Variants in RELN observed in about 807,000 individuals in gnomAD.
The protein encoded by RELN is reelin.
Under a neutral mutation model 427.6 loss-of-function variants are expected in RELN, and 108 were observed. The ratio of observed to expected loss-of-function variants is 0.25; its 90% CI spans 0.22 to 0.30. RELN has a LOEUF of 0.30. RELN is among the 10% of genes least tolerant of loss of function. The pLI is 1.00. For missense variants in RELN, 3,715 were observed against 4,302.8 expected (o/e 0.86, Z 3.82); for synonymous variants, 1,524 against 1,513.4 (o/e 1.01, Z -0.16).
At chr7:103,915,319 A>G (rs1200058455) in intron 2 of RELN, among the ~76,000 whole-genome samples, 1 of 152,026 alleles carries the variant, frequency 6.6e-6, no homozygotes, top group East Asian at 1.9e-4. Context: ...TCTCTGTCAT[A>G]CCCTTTCCCA....
intron 10 of RELN, among the ~76,000 whole-genome samples, chr7:103,687,887 G>T (rs938903967): frequency 1.3e-5 from 2 of 152,096 alleles, no homozygotes; most frequent in Non-Finnish European, 2.9e-5. Flanking sequence ...TTGTCATGGC[G>T]ATCTGGCTCA....
intron 2 of RELN, among the ~76,000 whole-genome samples, chr7:103,915,956 A>G (rs1419121990): frequency 6.6e-6 from 1 of 152,164 alleles, no homozygotes; most frequent in African/African-American, 2.4e-5. Flanking sequence ...CTAAGAGGAC[A>G]TTTTTCCCCT....
At chr7:103,777,019 T>G (rs886597031) in intron 3 of RELN, among the ~76,000 whole-genome samples, 2 of 152,192 alleles carry the variant, frequency 1.3e-5, no homozygotes, top group African/African-American at 4.8e-5. Context: ...GTTACTTTTT[T>G]TCTGAAATCA....
chr7:103,702,564 C>T (rs985663547), intron 8 of RELN, among the ~76,000 whole-genome samples: 10 of 152,190 alleles, frequency 6.6e-5, no homozygotes, highest in African/African-American at 9.6e-5. Context: ...ATGACAAATA[C>T]GACTTCTCTT....
At position 103,478,796 on chromosome 7, in the gene RELN, T is replaced by C. The variant is rs142991320; in HGVS notation, c.10281-402A>G. 1.8e-4 allele frequency among the ~76,000 whole-genome samples: 27 copies of C among 152,268 alleles called. No homozygotes were observed. In the East Asian group the frequency reaches 5.0e-3, roughly 28 times the overall value. On this transcript the variant is annotated intron_variant, in intron 63 of 64. Coordinates refer to ENST00000428762, the MANE Select transcript of RELN (RefSeq NM_005045.4). Reference sequence around the variant, plus strand: ...ATATTAAGGAATGGGCTTTAAAAAATACAGAAGTCTCCTATGTCAGATAAC... The same window carrying C: ...ATATTAAGGAATGGGCTTTAAAAAACACAGAAGTCTCCTATGTCAGATAAC...
Position 103,510,750 on chromosome 7 carries a change from A to G in RELN, c.8274+101T>C. 3.1e-6 allele frequency: 3 copies of G among 960,990 alleles called. 1 individual carries two copies. Among genetic ancestry groups the G allele is most frequent in the South Asian group, 2.8e-5 (2 of 71,474 alleles). 59.5% of individuals were successfully genotyped at this position (960,990 alleles called of 1,614,324 possible). On this transcript the variant is annotated intron_variant, in intron 51 of 64. Coordinates refer to ENST00000428762, the MANE Select transcript of RELN (RefSeq NM_005045.4). Reference sequence around the variant, plus strand: ...AATAGTAAATTTTACTTTTCAAAGTATATACTAAGTCAATGAAATATTAGA... The same window carrying G: ...AATAGTAAATTTTACTTTTCAAAGTGTATACTAAGTCAATGAAATATTAGA...
chr7:103,965,983 T>G (rs1258025260), intron 1 of RELN, among the ~76,000 whole-genome samples: 1 of 152,146 alleles, frequency 6.6e-6, no homozygotes, highest in African/African-American at 2.4e-5. Flanking sequence ...AAAAATTAAG[T>G]CCTCACATTA....
At chr7:103,933,437 G>A (rs984186229) in intron 1 of RELN, among the ~76,000 whole-genome samples, 5 of 137,780 alleles carry the variant, frequency 3.6e-5, no homozygotes, top group Non-Finnish European at 7.7e-5. Flanking sequence ...ACTCATGCCT[G>A]TAATGCCAGC....
chr7:103,754,802 G>A (rs1316103838), intron 4 of RELN, among the ~76,000 whole-genome samples: 1 of 152,004 alleles, frequency 6.6e-6, no homozygotes, highest in African/African-American at 2.4e-5. Context: ...AGAAAGAAGT[G>A]AAATGCACAG....
intron 2 of RELN, among the ~76,000 whole-genome samples, chr7:103,904,779 C>T (rs1171437853): frequency 1.3e-5 from 2 of 152,028 alleles, no homozygotes; most frequent in Non-Finnish European, 2.9e-5. Flanking sequence ...CATCTTCATA[C>T]AAGAGAATCT....
chr7:103,757,985 A>C (rs1249781161), intron 4 of RELN, among the ~76,000 whole-genome samples: 1 of 152,178 alleles, frequency 6.6e-6, no homozygotes, highest in Non-Finnish European at 1.5e-5. Flanking sequence ...ATTTTTTCAG[A>C]AGTGAATATT....
At position 103,553,544 on chromosome 7, in the gene RELN, C is replaced by T. The variant is rs1347022807; in HGVS notation, c.5989G>A (p.Val1997Met). The T allele has an allele frequency of 1.9e-6, 3 of 1,613,924 alleles. No individual in the cohort carries two copies. Among genetic ancestry groups the T allele is most frequent in the Non-Finnish European group, 2.5e-6 (3 of 1,179,966 alleles). ...TCACCAACTTCATTTGAAACAAACA[C>T]CATAGCTGAATCTTCTTCACTGTTA... ...KGAPEEDSAM[V>M]FVSNEVGEHS... The change falls in exon 40 of 65, where the codon GTG becomes ATG. Residue 1997 changes from valine (V) to methionine (M), a missense_variant. This residue lies in a region of RELN where 1,310 missense variants were observed against 1,643.0 expected (regional missense o/e 0.80). Coordinates refer to ENST00000428762, the MANE Select transcript of RELN (RefSeq NM_005045.4).
At chr7:103,528,459 G>A (rs920057806) in intron 46 of RELN, among the ~76,000 whole-genome samples, 1 of 149,792 alleles carries the variant, frequency 6.7e-6, no homozygotes, top group African/African-American at 2.4e-5. Context: ...ATTACACTGT[G>A]GTGATGGTTT....
intron 2 of RELN, among the ~76,000 whole-genome samples, chr7:103,877,958 C>T (rs1356801332): frequency 1.3e-5 from 2 of 150,434 alleles, no homozygotes; most frequent in South Asian, 2.1e-4. Context: ...TGACTTCAAG[C>T]AATTCTCCTG....
chr7:103,641,917 T>C (rs1832702091), intron 16 of RELN, among the ~76,000 whole-genome samples: 1 of 152,152 alleles, frequency 6.6e-6, no homozygotes, highest in African/African-American at 2.4e-5. Flanking sequence ...ACCCATGTCA[T>C]AGTTCAAAAA....
rs531882064 is a variant in RELN at position 103,734,926 on chromosome 7, C to T, written c.657-6719G>A. ...TGATAAAAATGTACAAAAAGTAGAG[C>T]GATGAGTGGACTTCATAAAAAACAT... is the stretch of plus-strand genomic sequence containing the variant. On this transcript the variant is annotated intron_variant, in intron 6 of 64. Coordinates refer to ENST00000428762, the MANE Select transcript of RELN (RefSeq NM_005045.4). Among the ~76,000 whole-genome samples the T allele has an allele frequency of 1.6e-4, 25 of 152,078 alleles. 1 individual carries two copies. The South Asian group carries it at 3.1e-3, about 19-fold the overall frequency.
chr7:103,537,879 C>A (rs362712), intron 45 of RELN, among the ~76,000 whole-genome samples: 90,311 of 151,994 alleles, frequency 0.59, 27,447 homozygotes, highest in Middle Eastern at 0.74. Context: ...CCACTTAAGA[C>A]TTAGCTCCTT....
chr7:103,926,700 A>AGT (rs1398953843), intron 1 of RELN, among the ~76,000 whole-genome samples: 2 of 133,030 alleles, frequency 1.5e-5, no homozygotes, highest in Admixed American at 8.9e-5. Context: ...GCTAGAGGGC[A>AGT]GTGGCCTGAT....
intron 10 of RELN, among the ~76,000 whole-genome samples, chr7:103,689,889 T>C (rs1490280608): frequency 6.6e-6 from 1 of 152,120 alleles, no homozygotes. Context: ...ATTAAGAATA[T>C]TCTCAGATTG....
Sources: allele counts gnomAD v4.1 joint callset (sites outside exome capture counted in the v4.1 genomes callset), GRCh38; gene constraint gnomAD v4.1.1; regional missense constraint gnomAD v4.1.1; transcripts MANE v1.5; gene names NCBI Gene and HGNC (gene_info 2026-07-23, HGNC 2026-07-21).